Variants in NKAIN3 observed in about 807,000 individuals in gnomAD.
NKAIN3 encodes the protein sodium/potassium transporting ATPase interacting 3, also known as sodium/potassium-transporting ATPase subunit beta-1-interacting protein 3.
NKAIN3 carries 25 observed loss-of-function variants against 30.2 expected under a neutral mutation model. That is an observed-to-expected ratio of 0.83 (90% confidence interval 0.60 to 1.16). NKAIN3 has a LOEUF of 1.16. NKAIN3 is among the 50% of genes most tolerant of loss of function. The pLI, the probability that NKAIN3 is intolerant of heterozygous loss-of-function variation, is 0.00. For synonymous variants in NKAIN3, 91 were observed against 89.6 expected, an observed-to-expected ratio of 1.02 and a Z score of -0.09; for missense variants, 225 against 254.1, an observed-to-expected ratio of 0.89 and a Z score of 0.78.
intron 3 of NKAIN3, among the ~76,000 whole-genome samples, chr8:62,643,034 G>A (rs1477369846): frequency 1.3e-5 from 2 of 152,022 alleles, no homozygotes; most frequent in South Asian, 2.1e-4. Flanking sequence ...AGAAATAAAT[G>A]GAAATGACCA....
At chr8:62,460,720 C>A (rs1481511192) in intron 1 of NKAIN3, among the ~76,000 whole-genome samples, 1 of 152,154 alleles carries the variant, frequency 6.6e-6, no homozygotes, top group Non-Finnish European at 1.5e-5. Context: ...CAGTATTTGA[C>A]CTGTCTTTTT....
Position 62,979,593 on chromosome 8 carries a change from T to C in NKAIN3, c.*14186T>C, listed in dbSNP as rs1231288220. ...GTCTAATACGATGTGGCATTTTCTC[T>C]ATACAGTACAGTTTTAGCATTGAAA... is the stretch of plus-strand genomic sequence containing the variant. On this transcript the variant is annotated 3_prime_UTR_variant, in exon 7 of 7. Transcript: ENST00000623646. The C allele has an allele frequency of 6.6e-6, 1 of 152,254 alleles. No homozygotes were observed. Among genetic ancestry groups the C allele is most frequent in the Non-Finnish European group, 1.5e-5 (1 of 68,046 alleles). The allele number at this position is 152,254 out of a possible 1,614,324, so 9.4% of individuals were successfully genotyped here.
intron 3 of NKAIN3, among the ~76,000 whole-genome samples, chr8:62,661,608 C>G (rs1368850299): frequency 6.6e-6 from 1 of 152,082 alleles, no homozygotes; most frequent in East Asian, 1.9e-4. Flanking sequence ...TTCCTCCCTC[C>G]CTCTCTCTTC....
chr8:62,265,206 G>A (rs1258622664), intron 1 of NKAIN3, among the ~76,000 whole-genome samples: 3 of 152,122 alleles, frequency 2.0e-5, no homozygotes, highest in Non-Finnish European at 4.4e-5. Context: ...GAGAGTACAC[G>A]TATCCTTCTT....
intron 4 of NKAIN3, among the ~76,000 whole-genome samples, chr8:62,768,697 A>G (rs762736743): frequency 2.0e-5 from 3 of 152,198 alleles, no homozygotes; most frequent in Non-Finnish European, 4.4e-5. Flanking sequence ...CCTAAGCTTC[A>G]TGGAGACAGA....
chr8:62,823,628 A>G (rs1383111380), intron 4 of NKAIN3, among the ~76,000 whole-genome samples: 1 of 152,194 alleles, frequency 6.6e-6, no homozygotes, highest in Non-Finnish European at 1.5e-5. Context: ...ACCTGGCACA[A>G]ATCTACCTTT....
intron 1 of NKAIN3, among the ~76,000 whole-genome samples, chr8:62,467,502 A>C (rs1806198241): frequency 6.6e-6 from 1 of 152,204 alleles, no homozygotes; most frequent in Admixed American, 6.6e-5. Context: ...TGGCTCTGTC[A>C]TAAATGTATC....
At chr8:62,938,571 T>C (rs1169941589) in intron 5 of NKAIN3, among the ~76,000 whole-genome samples, 6 of 151,438 alleles carry the variant, frequency 4.0e-5, no homozygotes, top group Admixed American at 6.6e-5. Flanking sequence ...GTTCACACCA[T>C]AGGACTCTTT....
intron 4 of NKAIN3, among the ~76,000 whole-genome samples, chr8:62,821,881 T>C (rs1818858411): frequency 6.6e-6 from 1 of 151,702 alleles, no homozygotes; most frequent in African/African-American, 2.4e-5. Flanking sequence ...AATTTTTATT[T>C]GCCAAATAAA....
chr8:62,748,743 C>T (rs1473376821), intron 4 of NKAIN3, among the ~76,000 whole-genome samples: 1 of 152,130 alleles, frequency 6.6e-6, no homozygotes, highest in East Asian at 1.9e-4. Flanking sequence ...AAATTTGATA[C>T]TGAACTCAAA....
chr8:62,958,930 G>A (rs544731013), intron 6 of NKAIN3, among the ~76,000 whole-genome samples: 7 of 152,334 alleles, frequency 4.6e-5, no homozygotes, highest in Admixed American at 2.0e-4. Context: ...AAATTTCCAT[G>A]AGGATGATGC....
intron 4 of NKAIN3, among the ~76,000 whole-genome samples, chr8:62,767,357 T>C (rs1816873038): frequency 6.6e-6 from 1 of 152,158 alleles, no homozygotes; most frequent in East Asian, 1.9e-4. Flanking sequence ...CCAAGGCTGC[T>C]GAATTAGGAG....
At chr8:62,379,826 C>T (rs1817213099) in intron 1 of NKAIN3, among the ~76,000 whole-genome samples, 1 of 152,048 alleles carries the variant, frequency 6.6e-6, no homozygotes, top group African/African-American at 2.4e-5. Flanking sequence ...TTTTTCAGGA[C>T]AGACCTTCCA....
intron 1 of NKAIN3, among the ~76,000 whole-genome samples, chr8:62,313,817 A>G (rs529454726): frequency 2.0e-4 from 30 of 152,312 alleles, no homozygotes; most frequent in Non-Finnish European, 3.1e-4. Context: ...CAGGCCAAAT[A>G]TATTTATGAC....
intron 1 of NKAIN3, among the ~76,000 whole-genome samples, chr8:62,254,359 A>G (rs1211601683): frequency 6.6e-6 from 1 of 152,146 alleles, no homozygotes; most frequent in Admixed American, 6.5e-5. Context: ...CAATATTGGT[A>G]TTTAAAAAGC....
chr8:62,621,464 A>C (rs576948462), intron 3 of NKAIN3, among the ~76,000 whole-genome samples: 1 of 152,236 alleles, frequency 6.6e-6, no homozygotes, highest in Non-Finnish European at 1.5e-5. Flanking sequence ...CTAACATTTT[A>C]GTACTCCCAT....
intron 4 of NKAIN3, among the ~76,000 whole-genome samples, chr8:62,784,897 T>C (rs1167146363): frequency 6.6e-6 from 1 of 152,168 alleles, no homozygotes; most frequent in East Asian, 1.9e-4. Context: ...AAATGAAAAC[T>C]ACAGTGAAAT....
intron 1 of NKAIN3, among the ~76,000 whole-genome samples, chr8:62,469,481 A>G (rs1806258727): frequency 6.6e-6 from 1 of 152,200 alleles, no homozygotes; most frequent in African/African-American, 2.4e-5. Context: ...TTTTACTAAC[A>G]TTCTGCTCTT....
intron 1 of NKAIN3, among the ~76,000 whole-genome samples, chr8:62,498,918 C>A (rs1299479148): frequency 6.6e-6 from 1 of 152,036 alleles, no homozygotes; most frequent in Non-Finnish European, 1.5e-5. Flanking sequence ...CCGAGATATC[C>A]TTCCCCCTTA....
Sources: gnomAD v4.1 joint callset for allele counts (sites outside exome capture counted in the v4.1 genomes callset) on GRCh38, gnomAD v4.1.1 for gene constraint, MANE v1.5 for transcripts, NCBI Gene and HGNC (gene_info 2026-07-23, HGNC 2026-07-21) for gene names.